The following NUDT12 variants were observed in gnomAD, a reference collection of about 807,000 sequenced individuals.
NUDT12 encodes NAD-capped RNA hydrolase NUDT12.
A neutral mutation model predicts 45.7 loss-of-function variants in NUDT12; 42 were observed. The observed-to-expected ratio is 0.92, with a 90% CI of 0.72 to 1.19. The LOEUF is 1.19. NUDT12 is among the 50% of genes most tolerant of loss of function. The pLI, the probability that NUDT12 is intolerant of heterozygous loss-of-function variation, is 0.00. For synonymous variants in NUDT12, 206 were observed against 179.7 expected, an observed-to-expected ratio of 1.15 and a Z score of -1.17; for missense variants, 590 against 533.1, an observed-to-expected ratio of 1.11 and a Z score of -1.05.
At chr5:103,561,060 CT>C (rs75956704) in intron 1 of NUDT12, among the ~76,000 whole-genome samples, 2,837 of 133,140 alleles carry the variant, frequency 0.021, 35 homozygotes, top group Middle Eastern at 0.049. Flanking sequence ...CTTTTTTTGT[CT>C]TTTTTTTTTT....
chr5:103,560,781 A>C (rs1255582465), intron 1 of NUDT12, among the ~76,000 whole-genome samples: 1 of 152,148 alleles, frequency 6.6e-6, no homozygotes, highest in Non-Finnish European at 1.5e-5. Flanking sequence ...AATCCATATT[A>C]CTCCGTATTA....
intron 3 of NUDT12, among the ~76,000 whole-genome samples, chr5:103,556,901 T>G (rs1486741146): frequency 6.6e-6 from 1 of 151,974 alleles, no homozygotes; most frequent in Non-Finnish European, 1.5e-5. Context: ...TCGTTTAAAC[T>G]GGGAAAAATA....
intron 2 of NUDT12, 151 bp downstream of exon 2, chr5:103,559,892 A>T (rs967987558): frequency 2.4e-5 from 14 of 575,388 alleles, no homozygotes; most frequent in Non-Finnish European, 3.6e-5. Context: ...TTAAGTTAGA[A>T]AAATTGTGCT....
chr5:103,550,080 G>C lies in NUDT12; in HGVS notation c.*781C>G, dbSNP rs1748604481. On this transcript the variant is annotated 3_prime_UTR_variant, in exon 7 of 7. Transcript: ENST00000230792. ...AGAATTCCTTTCAAGTTTAATTTCA[G>C]TGCAAAAGCAGAGAATCTTGGTTTG... is the stretch of plus-strand genomic sequence containing the variant. The C allele has an allele frequency of 6.6e-6, 1 of 152,088 alleles. No individual in the cohort carries two copies. The highest frequency in any genetic ancestry group is 6.6e-5 in the Admixed American group (1 of 15,248). 9.4% of individuals were successfully genotyped at this position (152,088 alleles called of 1,614,324 possible).
chr5:103,558,670 C>T (rs1041527297), intron 3 of NUDT12, among the ~76,000 whole-genome samples: 2 of 152,088 alleles, frequency 1.3e-5, no homozygotes, highest in Non-Finnish European at 2.9e-5. Flanking sequence ...AGGGTTAATT[C>T]TCAGGAAATC....
intron 3 of NUDT12, among the ~76,000 whole-genome samples, chr5:103,557,304 T>A (rs889520157): frequency 6.2e-5 from 9 of 145,930 alleles, no homozygotes; most frequent in Non-Finnish European, 1.1e-4. Flanking sequence ...TATATATATA[T>A]GTCTAAAGAA....
chr5:103,552,476 C>T (rs1748686365), intron 5 of NUDT12, 60 bp from the exon 6 acceptor site: 1 of 1,296,022 alleles, frequency 7.7e-7, no homozygotes, highest in Non-Finnish European at 1.1e-6. Flanking sequence ...ACTTTGTGTC[C>T]TGAATGGTTC....
Position 103,559,212 on chromosome 5 carries a change from C to G in NUDT12, c.463G>C (p.Asp155His), listed in dbSNP as rs1456343028. 1 of 1,558,066 alleles carries G rather than the reference C, an allele frequency of 6.4e-7. No homozygotes were observed. The highest frequency in any genetic ancestry group is 8.6e-7 in the Non-Finnish European group (1 of 1,156,816). ...CCTAGAGTAACCAAGGGATTTAAATCTGAGAAAAGAATAAAAACTGTGGCT... is the reference window on the plus strand; with the variant it reads ...CCTAGAGTAACCAAGGGATTTAAATGTGAGAAAAGAATAAAAACTGTGGCT... ...HPATVFILFSDLNPLVTLGGN... is the reference protein window; with the variant it reads ...HPATVFILFSHLNPLVTLGGN... The change falls in exon 3 of 7, where the codon GAT becomes CAT. Residue 155 changes from aspartate (D) to histidine (H), a missense_variant. Coordinates refer to ENST00000230792, the MANE Select transcript of NUDT12 (RefSeq NM_031438.4).
At chr5:103,557,187 T>C (rs1232853264) in intron 3 of NUDT12, among the ~76,000 whole-genome samples, 2 of 149,682 alleles carry the variant, frequency 1.3e-5, no homozygotes, top group Non-Finnish European at 3.0e-5. Flanking sequence ...CTGTGTAAAC[T>C]TATAGAGCAA....
chr5:103,553,020 A>G (rs2112446494), intron 5 of NUDT12, among the ~76,000 whole-genome samples: 1 of 152,252 alleles, frequency 6.6e-6, no homozygotes, highest in South Asian at 2.1e-4. Context: ...GAATTAGAAT[A>G]GGGGAAATTG....
intron 4 of NUDT12, among the ~76,000 whole-genome samples, chr5:103,555,539 G>A (rs117021863): frequency 6.6e-6 from 1 of 152,114 alleles, no homozygotes; most frequent in East Asian, 1.9e-4. Context: ...GCAGACTCAA[G>A]GCAGCAATTA....
At chr5:103,560,334 A>G in intron 1 of NUDT12, 80 bp from the exon 2 acceptor site, 1 of 811,666 alleles carries the variant, frequency 1.2e-6, no homozygotes, top group Non-Finnish European at 2.1e-6. Flanking sequence ...AAATAGCAAT[A>G]GAATAATAGC....
chr5:103,562,094 T>A (rs914981378), intron 1 of NUDT12, among the ~76,000 whole-genome samples: 1 of 152,224 alleles, frequency 6.6e-6, no homozygotes, highest in Non-Finnish European at 1.5e-5. Context: ...GTGCTGCCCT[T>A]GTTTTCCAAG....
intron 1 of NUDT12, 90 bp from the exon 2 acceptor site, chr5:103,560,344 C>G (rs1748995520): frequency 1.3e-6 from 1 of 750,626 alleles, no homozygotes; most frequent in Admixed American, 2.2e-5. Flanking sequence ...AGAATAATAG[C>G]AATGGTTTCC....
chr5:103,561,184 T>G (rs1749022631), intron 1 of NUDT12, among the ~76,000 whole-genome samples: 1 of 152,126 alleles, frequency 6.6e-6, no homozygotes, highest in Admixed American at 6.5e-5. Flanking sequence ...TAAGAAAAGA[T>G]TTGGGATTCT....
At chr5:103,554,142 T>G (rs544467601) in intron 5 of NUDT12, among the ~76,000 whole-genome samples, 41 of 152,216 alleles carry the variant, frequency 2.7e-4, no homozygotes, top group Non-Finnish European at 5.3e-4. Flanking sequence ...ATGTATTCAT[T>G]CACTCCACAA....
Position 103,559,133 on chromosome 5 carries a change from T to A in NUDT12, c.542A>T (p.Tyr181Phe). 1 of 1,587,408 alleles carries A rather than the reference T, an allele frequency of 6.3e-7. No homozygotes were observed. Among genetic ancestry groups the A allele is most frequent in the South Asian group, 1.2e-5 (1 of 85,556 alleles). ...GGCCAAATAATCCTTTATATCTGTG[T>A]AGTTCAGCTGACAAAGCCTAACTTC... Reference protein sequence around the residue: ...QPEVRLCQLNYTDIKDYLAQP... With the variant: ...QPEVRLCQLNFTDIKDYLAQP... Residue 181 changes from tyrosine to phenylalanine, a missense_variant, in exon 3 of 7, where the codon TAC becomes TTC. Transcript: ENST00000230792.
intron 3 of NUDT12, among the ~76,000 whole-genome samples, chr5:103,556,689 C>A (rs645188): frequency 0.045 from 6,892 of 152,028 alleles, 558 homozygotes; most frequent in African/African-American, 0.16. Flanking sequence ...TAGGATAAAT[C>A]TTAAAATATA....
intron 5 of NUDT12, among the ~76,000 whole-genome samples, chr5:103,553,460 TAA>T (rs1364356931): frequency 1.3e-5 from 2 of 152,030 alleles, no homozygotes; most frequent in Non-Finnish European, 2.9e-5. Context: ...ATGACAAATT[TAA>T]AAGTCTGAAA....
Sources: gnomAD v4.1 joint callset for allele counts (sites outside exome capture counted in the v4.1 genomes callset) on GRCh38, gnomAD v4.1.1 for gene constraint, MANE v1.5 for transcripts, NCBI Gene and HGNC (gene_info 2026-07-23, HGNC 2026-07-21) for gene names.